FILIP1L: variants seen among roughly 807,000 people sequenced by gnomAD.
FILIP1L encodes the protein filamin A interacting protein 1 like.
Under a neutral mutation model 96.6 loss-of-function variants are expected in FILIP1L, and 55 were observed. The observed-to-expected ratio is 0.57, with a 90% confidence interval of 0.46 to 0.71. The LOEUF is 0.71. FILIP1L is among the 30% of genes least tolerant of loss of function. The pLI is 0.00. For missense variants in FILIP1L, 1,304 were observed against 1,321.2 expected (o/e 0.99, Z 0.20); for synonymous variants, 467 against 473.9 (o/e 0.99, Z 0.19).
intron 1 of FILIP1L, among the ~76,000 whole-genome samples, chr3:99,989,565 T>C (rs962195990): frequency 6.6e-6 from 1 of 152,286 alleles, no homozygotes; most frequent in African/African-American, 2.4e-5. Flanking sequence ...GTTTCACTGC[T>C]CTTGCAAGCT....
intron 4 of FILIP1L, among the ~76,000 whole-genome samples, chr3:99,906,118 C>CG: frequency 6.6e-6 from 1 of 152,252 alleles, no homozygotes; most frequent in East Asian, 1.9e-4. Flanking sequence ...CGCTTGAGCC[C>CG]AGGAGGCAGA....
At chr3:99,980,809 A>G (rs1017769537) in intron 1 of FILIP1L, among the ~76,000 whole-genome samples, 1 of 152,144 alleles carries the variant, frequency 6.6e-6, no homozygotes, top group Non-Finnish European at 1.5e-5. Context: ...AGAGAGAGTG[A>G]GTGACATGTT....
chr3:100,037,129 A>C (rs1246707943), intron 1 of FILIP1L, among the ~76,000 whole-genome samples: 1 of 151,544 alleles, frequency 6.6e-6, no homozygotes, highest in Non-Finnish European at 1.5e-5. Context: ...GTAAAATTTG[A>C]ATAAAATGTG....
intron 4 of FILIP1L, among the ~76,000 whole-genome samples, chr3:99,902,278 C>T (rs1303322295): frequency 1.3e-5 from 2 of 152,096 alleles, no homozygotes; most frequent in Non-Finnish European, 2.9e-5. Context: ...TGAGGTTACT[C>T]ATAACAGTTT....
At chr3:100,042,876 GC>G (rs998450915) in intron 1 of FILIP1L, among the ~76,000 whole-genome samples, 1 of 152,234 alleles carries the variant, frequency 6.6e-6, no homozygotes, top group Non-Finnish European at 1.5e-5. Context: ...GAGGAATAGA[GC>G]CAAAGTTCCC....
intron 1 of FILIP1L, among the ~76,000 whole-genome samples, chr3:99,939,387 C>T (rs891894928): frequency 1.3e-5 from 2 of 152,140 alleles, no homozygotes; most frequent in South Asian, 2.1e-4. Context: ...GTCCTTTAAC[C>T]GAAAGGACTC....
At chr3:99,925,566 T>C (rs1337125956) in intron 3 of FILIP1L, among the ~76,000 whole-genome samples, 2 of 147,150 alleles carry the variant, frequency 1.4e-5, no homozygotes, top group Admixed American at 7.0e-5. Context: ...GTGGGACACT[T>C]CCAGCAGTAG....
chr3:99,929,653 A>G (rs552839957), intron 3 of FILIP1L, among the ~76,000 whole-genome samples: 3 of 152,282 alleles, frequency 2.0e-5, no homozygotes, highest in African/African-American at 7.2e-5. Flanking sequence ...GATTCAAGCA[A>G]CAAACCTAGT....
At chr3:99,914,865 A>G (rs1044530146) in intron 4 of FILIP1L, among the ~76,000 whole-genome samples, 19 of 152,242 alleles carry the variant, frequency 1.2e-4, no homozygotes, top group Admixed American at 2.6e-4. Flanking sequence ...TGTGTGATAC[A>G]GTAGTATTCA....
At chr3:100,074,857 C>A (rs2065824781) in intron 1 of FILIP1L, among the ~76,000 whole-genome samples, 1 of 151,434 alleles carries the variant, frequency 6.6e-6, no homozygotes, top group Non-Finnish European at 1.5e-5. Flanking sequence ...CCACTCCTGG[C>A]TAATTTTTGT....
chr3:99,995,745 CTGCCAAGGCT>C (rs1709659719), intron 1 of FILIP1L, among the ~76,000 whole-genome samples: 1 of 152,254 alleles, frequency 6.6e-6, no homozygotes, highest in African/African-American at 2.4e-5. Flanking sequence ...CACGTGGAAG[CTGCCAAGGCT>C]TGGGTCTTGT....
At chr3:99,869,851 CAA>C (rs1196093797) in intron 4 of FILIP1L, among the ~76,000 whole-genome samples, 1 of 152,184 alleles carries the variant, frequency 6.6e-6, no homozygotes, top group Non-Finnish European at 1.5e-5. Context: ...CCATGAGACA[CAA>C]TAAATCTGGC....
chr3:99,971,590 CT>C (rs1209184540), intron 1 of FILIP1L, among the ~76,000 whole-genome samples: 1 of 152,186 alleles, frequency 6.6e-6, no homozygotes, highest in Admixed American at 6.5e-5. Context: ...CCTCCATCAG[CT>C]TTTGTCTTGT....
At chr3:100,060,327 A>C (rs2065540177) in intron 1 of FILIP1L, among the ~76,000 whole-genome samples, 1 of 151,798 alleles carries the variant, frequency 6.6e-6, no homozygotes, top group East Asian at 1.9e-4. Context: ...ACTGTTTCCC[A>C]CTCCACCTCC....
intron 4 of FILIP1L, among the ~76,000 whole-genome samples, chr3:99,896,796 A>G (rs1034295161): frequency 6.6e-6 from 1 of 152,210 alleles, no homozygotes; most frequent in African/African-American, 2.4e-5. Context: ...TTGTTCCACA[A>G]TATATTCATA....
intron 1 of FILIP1L, among the ~76,000 whole-genome samples, chr3:99,976,863 T>C (rs1708987709): frequency 6.6e-6 from 1 of 152,170 alleles, no homozygotes; most frequent in Non-Finnish European, 1.5e-5. Flanking sequence ...TGTTCAGTTA[T>C]TTTCTCTGGC....
At chr3:99,875,861 T>G (rs1705485782) in intron 4 of FILIP1L, among the ~76,000 whole-genome samples, 1 of 152,240 alleles carries the variant, frequency 6.6e-6, no homozygotes, top group Non-Finnish European at 1.5e-5. Flanking sequence ...ATTAAATCTC[T>G]AATCTGTTTT....
rs140869574 is a variant in FILIP1L, at chr3:99,904,900, C to T, written c.605+19330G>A. ...TGAAGGAGTATTATTACACTCTTTA[C>T]GTCTACATCCTCACCACCTTCTTTG... On this transcript the variant is annotated intron_variant, in intron 4 of 5. Transcript: ENST00000477258. Among the ~76,000 whole-genome samples the T allele has an allele frequency of 4.5e-3, 689 of 152,288 alleles. 7 individuals carry two copies. Among genetic ancestry groups the T allele is most frequent in the African/African-American group, 0.016 (675 of 41,548 alleles).
At chr3:99,856,566 C>G (rs1943976685) in intron 4 of FILIP1L, among the ~76,000 whole-genome samples, 2 of 152,328 alleles carry the variant, frequency 1.3e-5, no homozygotes, top group South Asian at 4.1e-4. Context: ...AAAGCAGTAT[C>G]TTATTACAGC....
Sources: gnomAD v4.1 joint callset for allele counts (sites outside exome capture counted in the v4.1 genomes callset) on GRCh38, gnomAD v4.1.1 for gene constraint, MANE v1.5 for transcripts, NCBI Gene and HGNC (gene_info 2026-07-23, HGNC 2026-07-21) for gene names.